Variants in KIR3DL2 observed in about 807,000 individuals in gnomAD.
KIR3DL2 encodes the protein killer cell immunoglobulin-like receptor 3DL2.
A neutral mutation model predicts 41.6 loss-of-function variants in KIR3DL2; 42 were observed. The ratio of observed to expected loss-of-function variants is 1.01; its 90% CI spans 0.79 to 1.31. The LOEUF (loss-of-function observed/expected upper bound fraction) is 1.31, where lower values mean the gene tolerates loss of function less well. KIR3DL2 is among the 50% of genes most tolerant of loss of function. The pLI is 0.00. For synonymous variants in KIR3DL2, 230 were observed against 221.3 expected (o/e 1.04, Z -0.35); for missense variants, 728 against 576.8 (o/e 1.26, Z -2.68).
rs371503079 is a variant in KIR3DL2 at position 54,853,529 on chromosome 19, G to C, written c.356-218G>C. ...AGAGATGAGGCTCTCTTCACAGTGG[G>C]AAGGGAGTCAGGGGCTACTGGAGAC... On this transcript the variant is annotated intron_variant, in intron 3 of 8. Transcript: ENST00000326321. Among the ~76,000 whole-genome samples, 4 of 151,712 alleles carry C rather than the reference G, an allele frequency of 2.6e-5. No individual in the cohort carries two copies. In the East Asian group the frequency reaches 7.7e-4, roughly 29 times the overall value.
intron 2 of KIR3DL2, among the ~76,000 whole-genome samples, 185 bp downstream of exon 2, chr19:54,851,440 A>AAGACTGGGGTG (rs2064227275): frequency 6.6e-6 from 1 of 150,878 alleles, no homozygotes; most frequent in Non-Finnish European, 1.5e-5. Context: ...AAGCTCTGTG[A>AAGACTGGGGTG]AGACTGGGGT....
intron 6 of KIR3DL2, among the ~76,000 whole-genome samples, chr19:54,863,788 T>C (rs2065333859): frequency 6.6e-6 from 1 of 152,044 alleles, no homozygotes. Flanking sequence ...TGCGAAAATT[T>C]TCTCCCATTT....
chr19:54,851,769 A>G (rs2145556548), intron 2 of KIR3DL2, among the ~76,000 whole-genome samples: 1 of 151,918 alleles, frequency 6.6e-6, no homozygotes, highest in South Asian at 2.1e-4. Flanking sequence ...GTAATTTTGC[A>G]GTATTAAAAT....
chr19:54,865,715 C>A, intron 6 of KIR3DL2, 90 bp from the exon 7 acceptor site: 1 of 1,064,930 alleles, frequency 9.4e-7, no homozygotes. Context: ...GGAGATGTTC[C>A]ATGTGGTTAC....
In KIR3DL2 at chr19:54,856,038, G is replaced by A. The variant is rs565216956; in HGVS notation, c.949+126G>A. ...AACACGAAGACTGGGTGTGAGGGGG[G>A]GGTCAGGGTGCAGGATGGCAGACAG... On this transcript the variant is annotated intron_variant, in intron 5 of 8. Coordinates refer to ENST00000326321, the MANE Select transcript of KIR3DL2 (RefSeq NM_006737.4). 35 of 1,227,718 alleles carry A rather than the reference G, an allele frequency of 2.9e-5. No homozygotes were observed. The East Asian group carries it at 7.5e-4, about 26-fold the overall frequency. The allele number at this position is 1,227,718 out of a possible 1,614,324, so 76.1% of individuals were successfully genotyped here.
chr19:54,864,038 G>A (rs1477222630), intron 6 of KIR3DL2, among the ~76,000 whole-genome samples: 1 of 152,076 alleles, frequency 6.6e-6, no homozygotes, highest in African/African-American at 2.4e-5. Flanking sequence ...TTTGTATAAG[G>A]TGTAAGGAAG....
chr19:54,855,154 G>C (rs2064638304), intron 4 of KIR3DL2, among the ~76,000 whole-genome samples: 2 of 150,952 alleles, frequency 1.3e-5, no homozygotes, highest in Non-Finnish European at 2.9e-5. Flanking sequence ...GAGAGAGAGA[G>C]ATGATACATA....
chr19:54,851,162 C>T, intron 1 of KIR3DL2, 58 bp from the exon 2 acceptor site: 1 of 1,599,026 alleles, frequency 6.3e-7, no homozygotes, highest in Non-Finnish European at 8.6e-7. Context: ...GCAGTGGGGG[C>T]AGCAGGGTGC....
intron 5 of KIR3DL2, among the ~76,000 whole-genome samples, chr19:54,858,009 TTTA>T (rs1302590328): frequency 1.3e-5 from 2 of 151,756 alleles, no homozygotes; most frequent in Non-Finnish European, 2.9e-5. Context: ...ATTAAATTGT[TTTA>T]TTGAGTTGTT....
chr19:54,865,083 G>T (rs2065413629), intron 6 of KIR3DL2, among the ~76,000 whole-genome samples: 1 of 151,972 alleles, frequency 6.6e-6, no homozygotes, highest in Admixed American at 6.6e-5. Context: ...GTTGAATTTT[G>T]TCAAAGGCCT....
In KIR3DL2 at chr19:54,852,107, G is replaced by A. The variant is rs761926933; in HGVS notation, c.180G>A (p.Leu60=). ...GTCGTGGGTTTAACAATTTCATGCT[G>A]TACAAAGAAGACAGAAGCCACGTTC... ...HYRRGFNNFM[L]YKEDRSHVPI... Residue 60 remains leucine (L), a synonymous_variant, in exon 3 of 9, where the codon CTG becomes CTA. Transcript: ENST00000326321. The A allele has an allele frequency of 3.7e-5, 59 of 1,611,852 alleles. 1 individual carries two copies. Among genetic ancestry groups the A allele is most frequent in the East Asian group, 1.8e-4 (8 of 44,788 alleles).
intron 5 of KIR3DL2, 93 bp from the exon 6 acceptor site, chr19:54,858,986 C>G: frequency 2.6e-6 from 3 of 1,137,506 alleles, no homozygotes; most frequent in South Asian, 1.3e-5. Context: ...CATTAGATAA[C>G]AGAGTGTTGG....
chr19:54,853,757 A>T lies in KIR3DL2; in HGVS notation c.366A>T (p.Arg122Ser). ...AACTTCTCTTTCTAGGAAACCACAG[A>T]AAACCTTCCCTCCTGGCCCACCCAG... The part of the protein sequence containing the change: ...PLVIMVTGNH[R>S]KPSLLAHPGP... The change falls in exon 4 of 9, where the codon AGA (arginine) becomes AGT (serine). Residue 122 changes from arginine to serine, a missense_variant. By Grantham distance (110) the Arg-to-Ser change is moderately radical. Transcript: ENST00000326321. 1 of 1,610,296 alleles carries T rather than the reference A, an allele frequency of 6.2e-7. No individual in the cohort carries two copies. The highest frequency in any genetic ancestry group is 1.7e-5 in the Admixed American group (1 of 59,912).
chr19:54,853,634 C>A, intron 3 of KIR3DL2, 113 bp from the exon 4 acceptor site: 1 of 1,253,262 alleles, frequency 8.0e-7, no homozygotes, highest in Non-Finnish European at 1.1e-6. Flanking sequence ...CACGGAGACA[C>A]AGAGAGGGAG....
intron 5 of KIR3DL2, 120 bp downstream of exon 5, chr19:54,856,032 A>T: frequency 8.2e-7 from 1 of 1,218,804 alleles, no homozygotes; most frequent in Non-Finnish European, 1.1e-6. Flanking sequence ...ACTGGGTGTG[A>T]GGGGGGGGTC....
intron 4 of KIR3DL2, among the ~76,000 whole-genome samples, chr19:54,854,712 C>G (rs1185910371): frequency 6.6e-6 from 1 of 151,424 alleles, no homozygotes; most frequent in African/African-American, 2.4e-5. Context: ...AGAGAATGAG[C>G]CAGAGGAAGG....
chr19:54,850,702 GTGT>G (rs2064125935), intron 1 of KIR3DL2, among the ~76,000 whole-genome samples, 193 bp downstream of exon 1: 1 of 106,928 alleles, frequency 9.4e-6, no homozygotes, highest in Admixed American at 9.7e-5. Context: ...ATGGGCCTGG[GTGT>G]GGAGATATGG....
intron 1 of KIR3DL2, among the ~76,000 whole-genome samples, chr19:54,850,732 CGGGCCTGGAGTGGAGATAT>C (rs1365875451): frequency 4.4e-5 from 1 of 22,546 alleles, no homozygotes; most frequent in East Asian, 1.0e-3. Context: ...AGTGGAGATA[CGGGCCTGGAGTGGAGATAT>C]GGGCCTGGAG....
intron 4 of KIR3DL2, 67 bp from the exon 5 acceptor site, chr19:54,855,552 G>A (rs1387620173): frequency 6.3e-7 from 1 of 1,575,878 alleles, no homozygotes; most frequent in Non-Finnish European, 8.6e-7. Context: ...TGAGTTCTCA[G>A]CTCAGGTATG....
Sources: gnomAD v4.1 joint callset for allele counts (sites outside exome capture counted in the v4.1 genomes callset) on GRCh38, gnomAD v4.1.1 for gene constraint, MANE v1.5 for transcripts, NCBI Gene and HGNC (gene_info 2026-07-23, HGNC 2026-07-21) for gene names.